NKAIN2: variants seen among roughly 807,000 people sequenced by gnomAD.
The protein encoded by NKAIN2 is sodium/potassium-transporting ATPase subunit beta-1-interacting protein 2.
A neutral mutation model predicts 32.6 loss-of-function variants in NKAIN2; 14 were observed. The ratio of observed to expected loss-of-function variants is 0.43; its 90% CI spans 0.28 to 0.67. The LOEUF is 0.67. Among genes scored for constraint, NKAIN2 ranks in the 30% least tolerant of loss-of-function variants. NKAIN2 has a pLI of 0.17. For synonymous variants in NKAIN2, 80 were observed against 87.2 expected (o/e 0.92, Z 0.46); for missense variants, 198 against 258.3 (o/e 0.77, Z 1.60).
intron 1 of NKAIN2, among the ~76,000 whole-genome samples, chr6:124,200,611 A>AC (rs1409436867): frequency 2.6e-5 from 4 of 152,104 alleles, no homozygotes; most frequent in African/African-American, 9.7e-5. Context: ...GATAAATTTC[A>AC]CATATGTATT....
intron 4 of NKAIN2, among the ~76,000 whole-genome samples, chr6:124,698,360 T>A (rs1479500004): frequency 2.0e-5 from 3 of 152,160 alleles, no homozygotes; most frequent in Non-Finnish European, 4.4e-5. Flanking sequence ...CATAAAAAAA[T>A]GTGCAGCTCC....
At chr6:124,607,071 C>CA (rs1207959660) in intron 3 of NKAIN2, among the ~76,000 whole-genome samples, 1 of 151,996 alleles carries the variant, frequency 6.6e-6, no homozygotes, top group African/African-American at 2.4e-5. Context: ...TGCTGGAAAA[C>CA]AAATTCAAGG....
chr6:124,541,007 C>A (rs150853501), intron 3 of NKAIN2, among the ~76,000 whole-genome samples: 4 of 152,108 alleles, frequency 2.6e-5, no homozygotes, highest in Admixed American at 6.6e-5. Flanking sequence ...GGAGGAGCAT[C>A]TGTATATGCC....
At chr6:124,616,152 C>A (rs1231693912) in intron 3 of NKAIN2, among the ~76,000 whole-genome samples, 2 of 152,188 alleles carry the variant, frequency 1.3e-5, no homozygotes. Flanking sequence ...TCCTCTTCTT[C>A]TGGCTGGAAA....
At chr6:124,431,654 C>G (rs1239593665) in intron 3 of NKAIN2, among the ~76,000 whole-genome samples, 2 of 151,952 alleles carry the variant, frequency 1.3e-5, no homozygotes, top group Non-Finnish European at 2.9e-5. Flanking sequence ...AAATATATGA[C>G]CTATAGGTAT....
At chr6:124,779,380 G>GT (rs1779157097) in intron 4 of NKAIN2, among the ~76,000 whole-genome samples, 1 of 143,846 alleles carries the variant, frequency 7.0e-6, no homozygotes, top group African/African-American at 2.6e-5. Context: ...AGGAAGGAAG[G>GT]AAGTCCTCCT....
chr6:123,938,478 C>CATAATATATAATATATATTTATAT (rs1776650638), intron 1 of NKAIN2, among the ~76,000 whole-genome samples: 2 of 103,354 alleles, frequency 1.9e-5, no homozygotes, highest in Admixed American at 2.2e-4. Context: ...GCATATTATA[C>CATAATATATAATATATATTTATAT]ATAATATATA....
At chr6:124,635,220 C>CA (rs950104576) in intron 3 of NKAIN2, among the ~76,000 whole-genome samples, 2 of 151,658 alleles carry the variant, frequency 1.3e-5, no homozygotes. Context: ...ACCAGCCATA[C>CA]AAAAAAATGC....
At chr6:124,688,240 T>G (rs1481409340) in intron 4 of NKAIN2, among the ~76,000 whole-genome samples, 2 of 152,114 alleles carry the variant, frequency 1.3e-5, no homozygotes, top group African/African-American at 4.8e-5. Flanking sequence ...ATTTGTATCA[T>G]GTACTCTGTC....
intron 3 of NKAIN2, among the ~76,000 whole-genome samples, chr6:124,383,523 C>T (rs1018520613): frequency 6.6e-6 from 1 of 152,168 alleles, no homozygotes; most frequent in Non-Finnish European, 1.5e-5. Flanking sequence ...ACCTATACCC[C>T]TGACACACTG....
intron 1 of NKAIN2, among the ~76,000 whole-genome samples, chr6:123,992,786 G>A (rs1398448602): frequency 1.1e-4 from 17 of 152,128 alleles, no homozygotes; most frequent in Non-Finnish European, 2.9e-5. Flanking sequence ...TTTATTAGTG[G>A]GAGTTAAGTG....
intron 1 of NKAIN2, among the ~76,000 whole-genome samples, chr6:123,834,733 G>T (rs1396985488): frequency 6.6e-6 from 1 of 152,052 alleles, no homozygotes; most frequent in Non-Finnish European, 1.5e-5. Context: ...GTAAGTTGAG[G>T]TTCCCCACTA....
chr6:124,664,713 G>C (rs371121473), intron 4 of NKAIN2, among the ~76,000 whole-genome samples: 16 of 136,898 alleles, frequency 1.2e-4, no homozygotes, highest in African/African-American at 4.1e-4. Flanking sequence ...AGAATGGCGT[G>C]AACCCGGGAG....
intron 1 of NKAIN2, among the ~76,000 whole-genome samples, chr6:124,177,555 A>G (rs1789222229): frequency 6.6e-6 from 1 of 152,200 alleles, no homozygotes. Flanking sequence ...ATACAAAAAA[A>G]TTAATCCCTA....
chr6:123,820,920 T>C (rs928532), intron 1 of NKAIN2, among the ~76,000 whole-genome samples: 23,345 of 152,142 alleles, frequency 0.15, 2,540 homozygotes, highest in East Asian at 0.53. Flanking sequence ...CAAGTTAAAA[T>C]TGCAGTTTTA....
intron 1 of NKAIN2, among the ~76,000 whole-genome samples, chr6:124,242,268 A>T (rs376935278): frequency 7.9e-5 from 12 of 152,332 alleles, no homozygotes; most frequent in African/African-American, 2.9e-4. Flanking sequence ...GAAGACATTT[A>T]TACGGCCAAC....
At chr6:124,570,268 G>C (rs1377191603) in intron 3 of NKAIN2, among the ~76,000 whole-genome samples, 1 of 152,190 alleles carries the variant, frequency 6.6e-6, no homozygotes, top group Non-Finnish European at 1.5e-5. Context: ...CAGTAGTAAA[G>C]AAAAGCCCAT....
At chr6:124,656,558 T>C (rs796305364) in intron 3 of NKAIN2, among the ~76,000 whole-genome samples, 16 of 152,080 alleles carry the variant, frequency 1.1e-4, no homozygotes, top group African/African-American at 3.9e-4. Flanking sequence ...TCGAGACACT[T>C]TTCTGGGGTT....
At chr6:123,830,411 C>A (rs532070887) in intron 1 of NKAIN2, among the ~76,000 whole-genome samples, 4 of 152,158 alleles carry the variant, frequency 2.6e-5, no homozygotes, top group Non-Finnish European at 4.4e-5. Context: ...GGCCTAACCC[C>A]TTCCCTGTCT....
Sources: allele counts gnomAD v4.1 joint callset (sites outside exome capture counted in the v4.1 genomes callset), GRCh38; gene constraint gnomAD v4.1.1; transcripts MANE v1.5; gene names NCBI Gene and HGNC (gene_info 2026-07-23, HGNC 2026-07-21).